The following CHD9 variants were observed in gnomAD, a reference collection of about 807,000 sequenced individuals.
CHD9 encodes the protein ATP-dependent chromatin remodeler CHD9.
A neutral mutation model predicts 316.1 loss-of-function variants in CHD9; 77 were observed. The ratio of observed to expected loss-of-function variants is 0.24; its 90% CI spans 0.20 to 0.29. CHD9 has a LOEUF of 0.29. CHD9 is among the 10% of genes least tolerant of loss of function. CHD9 has a pLI of 1.00. For synonymous variants in CHD9, 1,129 were observed against 1,158.3 expected (o/e 0.97, Z 0.51); for missense variants, 2,763 against 3,438.1 (o/e 0.80, Z 4.91).
At chr16:53,314,701 A>G in intron 35 of CHD9, 122 bp from the exon 36 acceptor site, 1 of 1,063,236 alleles carries the variant, frequency 9.4e-7, no homozygotes, top group South Asian at 1.7e-5. Context: ...TTTAAGTTTA[A>G]AAGATTTAGC....
chr16:53,303,785 C>T lies in CHD9; in HGVS notation c.5779C>T (p.Arg1927Cys). The change falls in exon 31 of 39, where the codon CGC (arginine) becomes TGC (cysteine). Residue 1927 changes from arginine to cysteine, a missense_variant. Physicochemically the swap from Arg to Cys is radical, Grantham distance 180. This residue lies in a region of CHD9 where 663 missense variants were observed against 751.2 expected (regional missense o/e 0.88). Transcript: ENST00000447540. Reference sequence around the variant, plus strand: ...AGAACGTGCTTCTAGGACTTTGTATCGCATTGAACTTCTAAGGAAAGTACG... The same window carrying T: ...AGAACGTGCTTCTAGGACTTTGTATTGCATTGAACTTCTAAGGAAAGTACG... ...TEERASRTLY[R>C]IELLRKVREQ... 1.2e-6 allele frequency: 2 copies of T among 1,613,908 alleles called. No individual in the cohort carries two copies. The highest frequency in any genetic ancestry group is 8.5e-7 in the Non-Finnish European group (1 of 1,179,848).
chr16:53,231,335 A>G (rs1390343606), intron 8 of CHD9, 84 bp from the exon 9 acceptor site: 8 of 713,210 alleles, frequency 1.1e-5, no homozygotes, highest in African/African-American at 3.5e-5. Flanking sequence ...TACAAGGTCT[A>G]TAGTGAAATG....
intron 11 of CHD9, among the ~76,000 whole-genome samples, chr16:53,236,293 C>T (rs940396206): frequency 1.3e-5 from 2 of 152,076 alleles, no homozygotes; most frequent in African/African-American, 4.8e-5. Context: ...TATATGACTG[C>T]TTCATAGAGA....
intron 1 of CHD9, among the ~76,000 whole-genome samples, chr16:53,086,540 C>G (rs751828392): frequency 3.3e-5 from 5 of 152,178 alleles, no homozygotes; most frequent in South Asian, 2.1e-4. Flanking sequence ...GGTCCAGGTT[C>G]AGCTCTCAAT....
chr16:53,230,097 A>C (rs1335657562), intron 8 of CHD9, among the ~76,000 whole-genome samples: 1 of 152,166 alleles, frequency 6.6e-6, no homozygotes, highest in Non-Finnish European at 1.5e-5. Flanking sequence ...CTCATTTTGT[A>C]GAATGCCCCT....
chr16:53,212,529 T>G (rs2046415336), intron 3 of CHD9, among the ~76,000 whole-genome samples: 2 of 152,188 alleles, frequency 1.3e-5, no homozygotes, highest in Admixed American at 1.3e-4. Context: ...GGAAGACTAA[T>G]CTGAAGAAAA....
chr16:53,090,165 C>G (rs1368194045), intron 1 of CHD9, among the ~76,000 whole-genome samples: 2 of 152,168 alleles, frequency 1.3e-5, no homozygotes, highest in African/African-American at 2.4e-5. Context: ...TCCTCTGCCT[C>G]CAGGTTCTGA....
chr16:53,325,042 CT>C lies in CHD9; in HGVS notation c.*152del. On this transcript the variant is annotated 3_prime_UTR_variant, in exon 39 of 39. Coordinates refer to ENST00000447540, the MANE Select transcript of CHD9 (RefSeq NM_001308319.2). ...TAGAAGTGCAAACTGCTTTCAGAGA[CT>C]TTTTGCATGTAATATTTCTTAAGAT... 1.6e-6 allele frequency: 1 copy of C among 610,102 alleles called. No individual in the cohort carries two copies. The highest frequency in any genetic ancestry group is 2.7e-6 in the Non-Finnish European group (1 of 363,914). The allele number at this position is 610,102 out of a possible 1,614,324, so 37.8% of individuals were successfully genotyped here.
intron 2 of CHD9, among the ~76,000 whole-genome samples, chr16:53,184,742 C>T (rs2043836655): frequency 6.6e-6 from 1 of 152,146 alleles, no homozygotes; most frequent in South Asian, 2.1e-4. Flanking sequence ...AATTATAGTT[C>T]TCATAATCCC....
chr16:53,158,986 G>A lies in CHD9; in HGVS notation c.1452+1445G>A, dbSNP rs2041721504. On this transcript the variant is annotated intron_variant, in intron 2 of 38. Transcript: ENST00000447540. Reference sequence around the variant, plus strand: ...TTTTTTCATAGTAGTATGAAAATATGTATATGGGCCAGTTATGTTAGCTTA... The same window carrying A: ...TTTTTTCATAGTAGTATGAAAATATATATATGGGCCAGTTATGTTAGCTTA... Among the ~76,000 whole-genome samples the A allele has an allele frequency of 2.0e-5, 3 of 152,202 alleles. No homozygotes were observed. The South Asian group carries it at 6.2e-4, about 32-fold the overall frequency.
At chr16:53,277,317 C>A (rs1052891411) in intron 24 of CHD9, among the ~76,000 whole-genome samples, 9 of 152,160 alleles carry the variant, frequency 5.9e-5, no homozygotes, top group African/African-American at 2.2e-4. Context: ...AAGAAAACTA[C>A]AGACCAGTAT....
At chr16:53,172,396 A>G (rs2042824692) in intron 2 of CHD9, among the ~76,000 whole-genome samples, 3 of 152,148 alleles carry the variant, frequency 2.0e-5, no homozygotes, top group African/African-American at 7.2e-5. Context: ...ATATTTCATT[A>G]TATGGATCTA....
intron 24 of CHD9, among the ~76,000 whole-genome samples, chr16:53,279,475 C>T (rs926449854): frequency 4.6e-5 from 7 of 152,012 alleles, no homozygotes; most frequent in South Asian, 2.1e-4. Context: ...CAAATCTGCA[C>T]GTTGTGCACA....
At chr16:53,170,578 CGTGTGTGTGTGTGTGTGT>C (rs10593955) in intron 2 of CHD9, among the ~76,000 whole-genome samples, 6 of 140,322 alleles carry the variant, frequency 4.3e-5, no homozygotes, top group African/African-American at 1.3e-4. Context: ...TTTGTAATTT[CGTGTGTGTGTGTGTGTGT>C]GTGTGTGTGT....
intron 1 of CHD9, among the ~76,000 whole-genome samples, chr16:53,136,112 C>A (rs2152694064): frequency 6.6e-6 from 1 of 152,190 alleles, no homozygotes; most frequent in South Asian, 2.1e-4. Context: ...TCATTACTAG[C>A]TATTATTTCT....
intron 2 of CHD9, among the ~76,000 whole-genome samples, chr16:53,190,851 A>C (rs571407973): frequency 3.5e-4 from 54 of 152,236 alleles, no homozygotes; most frequent in African/African-American, 1.3e-3. Context: ...AATTAAAACT[A>C]ATAAAAGAAG....
At chr16:53,194,153 C>T (rs947081893) in intron 2 of CHD9, among the ~76,000 whole-genome samples, 4 of 151,500 alleles carry the variant, frequency 2.6e-5, no homozygotes, top group African/African-American at 9.7e-5. Flanking sequence ...CCCAAGAATT[C>T]AAGGTTCCAG....
intron 5 of CHD9, 187 bp from the exon 6 acceptor site, chr16:53,227,209 G>T: frequency 2.2e-6 from 1 of 446,932 alleles, no homozygotes; most frequent in Non-Finnish European, 4.0e-6. Flanking sequence ...GATAATGCAG[G>T]TGATGAAAAG....
chr16:53,314,152 C>T (rs958503473), intron 34 of CHD9, among the ~76,000 whole-genome samples: 2 of 151,140 alleles, frequency 1.3e-5, no homozygotes, highest in African/African-American at 2.4e-5. Flanking sequence ...GTGTGAATAT[C>T]GGGAAAAAAA....
Sources: gnomAD v4.1 joint callset for allele counts (sites outside exome capture counted in the v4.1 genomes callset) on GRCh38, gnomAD v4.1.1 for gene constraint, gnomAD v4.1.1 regional missense constraint, MANE v1.5 for transcripts, NCBI Gene and HGNC (gene_info 2026-07-23, HGNC 2026-07-21) for gene names.